Variants in DGKB observed in about 807,000 individuals in gnomAD.
DGKB encodes the protein diacylglycerol kinase beta.
DGKB carries 67 observed loss-of-function variants against 114.3 expected under a neutral mutation model. That is an observed-to-expected ratio of 0.59 (90% confidence interval 0.48 to 0.72). DGKB has a LOEUF of 0.72. Ranked by LOEUF, DGKB falls within the 30% of genes least tolerant of loss-of-function variation. The probability of loss-of-function intolerance (pLI) is 0.00; values close to 1 mark genes in which losing one functional copy is unlikely to be tolerated. For missense variants in DGKB, 907 were observed against 975.2 expected (o/e 0.93, Z 0.93); for synonymous variants, 398 against 323.1 (o/e 1.23, Z -2.49).
intron 2 of DGKB, among the ~76,000 whole-genome samples, chr7:14,769,230 GAAA>G (rs1837011765): frequency 1.1e-5 from 1 of 88,084 alleles, no homozygotes; most frequent in South Asian, 3.2e-4. Flanking sequence ...AAGAGAGAGA[GAAA>G]GAAAGAAAGA....
intron 21 of DGKB, among the ~76,000 whole-genome samples, chr7:14,398,827 A>G (rs1246138419): frequency 6.6e-6 from 1 of 151,766 alleles, no homozygotes; most frequent in East Asian, 1.9e-4. Flanking sequence ...AGAGGGAGGC[A>G]AGATATTGAC....
At chr7:14,572,979 G>A (rs544571365) in intron 20 of DGKB, among the ~76,000 whole-genome samples, 35 of 122,620 alleles carry the variant, frequency 2.9e-4, no homozygotes, top group African/African-American at 9.6e-4. Flanking sequence ...TCCTGAAACT[G>A]GGAAAAAGAG....
chr7:14,763,922 C>T (rs991792645), intron 2 of DGKB, among the ~76,000 whole-genome samples: 4 of 151,844 alleles, frequency 2.6e-5, no homozygotes, highest in Non-Finnish European at 5.9e-5. Flanking sequence ...ATTGGTTTTC[C>T]AGGCTAATAT....
At chr7:14,516,900 C>T (rs1788883107) in intron 20 of DGKB, among the ~76,000 whole-genome samples, 1 of 151,772 alleles carries the variant, frequency 6.6e-6, no homozygotes, top group South Asian at 2.1e-4. Context: ...CTTACAGATT[C>T]AATACTATTC....
intron 21 of DGKB, among the ~76,000 whole-genome samples, chr7:14,359,107 T>A (rs747841577): frequency 6.6e-6 from 1 of 151,880 alleles, no homozygotes; most frequent in Non-Finnish European, 1.5e-5. Flanking sequence ...AACAGATATA[T>A]ATATATATAT....
intron 21 of DGKB, among the ~76,000 whole-genome samples, chr7:14,467,129 A>G (rs1355160196): frequency 2.0e-5 from 3 of 150,972 alleles, no homozygotes; most frequent in Non-Finnish European, 4.4e-5. Flanking sequence ...TGTTATGTAT[A>G]TAACTATTAT....
intron 23 of DGKB, among the ~76,000 whole-genome samples, chr7:14,337,508 C>T (rs1810899706): frequency 6.6e-6 from 1 of 152,042 alleles, no homozygotes; most frequent in African/African-American, 2.4e-5. Flanking sequence ...TTTCATGGTA[C>T]CAAATTTTAT....
upstream of DGKB, chr7:14,903,430 T>C (rs1304110028): frequency 1.3e-5 from 2 of 152,360 alleles, no homozygotes; most frequent in African/African-American, 2.4e-5. Flanking sequence ...GAGGAGACGG[T>C]GCAGGTGAGA....
At chr7:14,313,563 C>T (rs1478792273) in intron 23 of DGKB, among the ~76,000 whole-genome samples, 4 of 152,196 alleles carry the variant, frequency 2.6e-5, no homozygotes, top group Admixed American at 2.0e-4. Context: ...CCGAATACTG[C>T]GCTTTTCCGA....
intron 21 of DGKB, among the ~76,000 whole-genome samples, chr7:14,392,995 G>GTTTTTTTGTTTTTTTTTTTTTTTGTTTTT (rs1554404750): frequency 3.3e-5 from 2 of 60,544 alleles, no homozygotes; most frequent in African/African-American, 9.7e-5. Context: ...TTTTGTTTTT[G>GTTTTTTTGTTTTTTTTTTTTTTTGTTTTT]TTTTTTTTTT....
chr7:14,381,798 T>C (rs899133017), intron 21 of DGKB, among the ~76,000 whole-genome samples: 1 of 152,152 alleles, frequency 6.6e-6, no homozygotes, highest in African/African-American at 2.4e-5. Flanking sequence ...AGCCACACTG[T>C]AATCACAAAT....
chr7:14,872,011 G>T (rs1852540292), intron 1 of DGKB, among the ~76,000 whole-genome samples: 1 of 152,036 alleles, frequency 6.6e-6, no homozygotes, highest in African/African-American at 2.4e-5. Flanking sequence ...ACAGAACCGG[G>T]ATTCTCAGGA....
intron 21 of DGKB, among the ~76,000 whole-genome samples, chr7:14,401,317 CT>C (rs1181167326): frequency 6.6e-6 from 1 of 151,856 alleles, no homozygotes; most frequent in Non-Finnish European, 1.5e-5. Context: ...ACCTTGTTCC[CT>C]TATCTACCAT....
chr7:14,586,692 C>G (rs910116339), intron 17 of DGKB, among the ~76,000 whole-genome samples: 4 of 152,030 alleles, frequency 2.6e-5, no homozygotes, highest in Non-Finnish European at 4.4e-5. Flanking sequence ...TAAGTTGAAG[C>G]CAATGCTCAT....
chr7:14,272,354 T>C (rs1216641634), intron 23 of DGKB, among the ~76,000 whole-genome samples: 2 of 152,178 alleles, frequency 1.3e-5, no homozygotes, highest in African/African-American at 4.8e-5. Flanking sequence ...ATGCCAGGCA[T>C]CATTATTAGC....
At chr7:14,424,606 T>C (rs1827221589) in intron 21 of DGKB, among the ~76,000 whole-genome samples, 1 of 152,112 alleles carries the variant, frequency 6.6e-6, no homozygotes, top group Non-Finnish European at 1.5e-5. Context: ...GGTTTTATTA[T>C]TTCTCTTAAA....
chr7:14,720,653 T>C (rs1454392264), intron 5 of DGKB, among the ~76,000 whole-genome samples: 2 of 152,100 alleles, frequency 1.3e-5, no homozygotes, highest in Non-Finnish European at 2.9e-5. Context: ...CCTTTCTTTT[T>C]AAAATGAAGT....
intron 20 of DGKB, among the ~76,000 whole-genome samples, chr7:14,486,914 A>G (rs928727424): frequency 4.6e-5 from 7 of 152,222 alleles, no homozygotes; most frequent in Non-Finnish European, 1.0e-4. Flanking sequence ...TTACATTTAA[A>G]CTTCAACAAT....
At chr7:14,549,424 T>C (rs78541096) in intron 20 of DGKB, among the ~76,000 whole-genome samples, 5,958 of 152,178 alleles carry the variant, frequency 0.039, 210 homozygotes, top group East Asian at 0.2. Context: ...AAAAAATTGA[T>C]ATATATTTTC....
Sources: allele counts gnomAD v4.1 joint callset (sites outside exome capture counted in the v4.1 genomes callset), GRCh38; gene constraint gnomAD v4.1.1; transcripts MANE v1.5; gene names NCBI Gene and HGNC (gene_info 2026-07-23, HGNC 2026-07-21).